Variants in RNF34 observed in about 807,000 individuals in gnomAD.
RNF34 encodes the protein E3 ubiquitin-protein ligase RNF34.
In RNF34, 12 loss-of-function variants were observed where a neutral mutation model predicts 37.9. That is an observed-to-expected ratio of 0.32 (90% CI 0.20 to 0.51). RNF34 has a LOEUF of 0.51. Among genes scored for constraint, RNF34 ranks in the 20% least tolerant of loss-of-function variants. The pLI, the probability that RNF34 is intolerant of heterozygous loss-of-function variation, is 0.97. For synonymous variants in RNF34, 155 were observed against 177.2 expected (o/e 0.87, Z 1.00); for missense variants, 362 against 472.7 (o/e 0.77, Z 2.17).
intron 3 of RNF34, 185 bp from the exon 4 acceptor site, chr12:121,420,057 G>A (rs1871976922): frequency 1.9e-6 from 1 of 526,304 alleles, no homozygotes; most frequent in Admixed American, 3.1e-5. Context: ...TAACTTTATG[G>A]AAGGTAGGTT....
chr12:121,411,534 A>G (rs998832223), intron 1 of RNF34, among the ~76,000 whole-genome samples: 1 of 152,224 alleles, frequency 6.6e-6, no homozygotes. Flanking sequence ...ACTATCCCTG[A>G]TACAAAGGTC....
intron 5 of RNF34, among the ~76,000 whole-genome samples, chr12:121,421,771 G>C (rs910042399): frequency 6.6e-6 from 1 of 152,120 alleles, no homozygotes; most frequent in Admixed American, 6.5e-5. Flanking sequence ...TGAATTAGGC[G>C]TGGGCCACCA....
intron 3 of RNF34, chr12:121,418,464 A>C (rs1566233675): frequency 6.5e-6 from 1 of 152,962 alleles, no homozygotes; most frequent in African/African-American, 2.4e-5. Context: ...CTTGTAATTA[A>C]TATTTACTTG....
chr12:121,401,354 C>CAAAAAAAAAAA (rs563285897), intron 1 of RNF34, among the ~76,000 whole-genome samples: 2,463 of 76,368 alleles, frequency 0.032, 174 homozygotes, highest in East Asian at 0.055. Context: ...CTATAGGTAT[C>CAAAAAAAAAAA]AAAAAAAAAA....
intron 1 of RNF34, among the ~76,000 whole-genome samples, chr12:121,401,773 T>A (rs892704866): frequency 3.3e-5 from 5 of 152,190 alleles, no homozygotes; most frequent in Admixed American, 1.3e-4. Flanking sequence ...TGTTTTGAAT[T>A]GAAGTGGAAG....
rs543904299 is a variant in RNF34, at chr12:121,400,157, G to T, written c.-56G>T. ...GGGAAGGAGGTCGGCAGTGTGAGGAGCTGCTATGGTGCTGAGTTTCCTGGT... is the reference window on the plus strand; with the variant it reads ...GGGAAGGAGGTCGGCAGTGTGAGGATCTGCTATGGTGCTGAGTTTCCTGGT... On this transcript the variant is annotated 5_prime_UTR_variant, in exon 1 of 6. Coordinates refer to ENST00000361234, the MANE Select transcript of RNF34 (RefSeq NM_025126.4). The T allele has an allele frequency of 1.3e-5, 20 of 1,595,384 alleles. No homozygotes were observed. The South Asian group carries it at 2.0e-4, about 16-fold the overall frequency.
chr12:121,402,826 G>A (rs782364026), intron 1 of RNF34: 4 of 1,534,084 alleles, frequency 2.6e-6, no homozygotes, highest in Non-Finnish European at 3.6e-6. Context: ...TGTATCTATA[G>A]CACATGTTAT....
intron 1 of RNF34, among the ~76,000 whole-genome samples, chr12:121,412,785 C>A (rs1333807398): frequency 7.2e-6 from 1 of 139,026 alleles, no homozygotes; most frequent in Non-Finnish European, 1.5e-5. Flanking sequence ...AGTGCAGTGG[C>A]GTGATCTCGG....
chr12:121,402,613 A>G (rs1158398784), intron 1 of RNF34: 3 of 547,168 alleles, frequency 5.5e-6, no homozygotes, highest in Non-Finnish European at 9.6e-6. Context: ...CCTCTTTCCC[A>G]TTTTTCCTTA....
chr12:121,405,796 C>A (rs1593650148), intron 1 of RNF34, among the ~76,000 whole-genome samples: 1 of 137,834 alleles, frequency 7.3e-6, no homozygotes, highest in African/African-American at 2.7e-5. Flanking sequence ...TGTCTTATTT[C>A]TTTTTTTTTT....
At chr12:121,407,468 T>C (rs1047336264) in intron 1 of RNF34, among the ~76,000 whole-genome samples, 7 of 152,172 alleles carry the variant, frequency 4.6e-5, no homozygotes, top group Non-Finnish European at 8.8e-5. Context: ...CTCAGTGAAT[T>C]GACTGCAAAT....
chr12:121,406,318 T>G (rs200480167), intron 1 of RNF34, among the ~76,000 whole-genome samples: 1 of 151,114 alleles, frequency 6.6e-6, no homozygotes, highest in Non-Finnish European at 1.5e-5. Flanking sequence ...GACAGACTCT[T>G]GCTGTGTCGC....
rs959394670 is a variant in RNF34, at chr12:121,423,256, G to T, written c.929-130G>T. ...TGCAGAGAAGTTGGGATTATTTCTT[G>T]TACAACACTGGGGTGGCATTGGGCC... On this transcript the variant is annotated intron_variant, in intron 5 of 5. Coordinates refer to ENST00000361234, the MANE Select transcript of RNF34 (RefSeq NM_025126.4). This position sits in a 1 kb window ranked among gnomAD's most constrained non-coding sequence, Gnocchi z 4.3. 3.2e-6 allele frequency: 2 copies of T among 626,670 alleles called. No individual in the cohort carries two copies. The highest frequency in any genetic ancestry group is 5.5e-6 in the Non-Finnish European group (2 of 363,736). The allele number at this position is 626,670 out of a possible 1,614,324, so 38.8% of individuals were successfully genotyped here. A position where few individuals can be genotyped will look rare whatever the true frequency, so the allele number is the denominator to read the frequency against.
In RNF34 at chr12:121,400,143, C is replaced by T. The variant is rs182031296; in HGVS notation, c.-70C>T. On this transcript the variant is annotated 5_prime_UTR_variant, in exon 1 of 6. Coordinates refer to ENST00000361234, the MANE Select transcript of RNF34 (RefSeq NM_025126.4). ...AATCACCGCCCAGAGGGAAGGAGGT[C>T]GGCAGTGTGAGGAGCTGCTATGGTG... is the stretch of plus-strand genomic sequence containing the variant. 12 of 1,563,664 alleles carry T rather than the reference C, an allele frequency of 7.7e-6. No individual in the cohort carries two copies. The highest frequency in any genetic ancestry group is 1.8e-4 in the Middle Eastern group (1 of 5,640).
rs545379395 is a variant in RNF34, at chr12:121,409,040, C to T, written c.7-7119C>T. 4.0e-5 allele frequency among the ~76,000 whole-genome samples: 6 copies of T among 151,760 alleles called. No individual in the cohort carries two copies. In the South Asian group the frequency reaches 6.2e-4, roughly 16 times the overall value. On this transcript the variant is annotated intron_variant, in intron 1 of 5. Transcript: ENST00000361234. ...AGGCTGGAGTGCAGTGGTACAGTGG[C>T]GTGATATCTGCTCACTGCAACCTCC...
intron 1 of RNF34, among the ~76,000 whole-genome samples, chr12:121,406,260 G>C (rs1870521023): frequency 7.5e-6 from 1 of 133,896 alleles, no homozygotes; most frequent in Non-Finnish European, 1.7e-5. Flanking sequence ...TTTAGAATTT[G>C]ATTTCTTATT....
Position 121,423,383 on chromosome 12 carries a change from C to T in RNF34, c.929-3C>T, listed in dbSNP as rs1555283757. 3 of 1,599,502 alleles carry T rather than the reference C, an allele frequency of 1.9e-6. No homozygotes were observed. The highest frequency in any genetic ancestry group is 2.6e-6 in the Non-Finnish European group (3 of 1,171,252). ...GAGGCCTTAGCTCTCTGTTGCCTTTCAGATGGCGAGCGGCTGCAGCTGCAG... is the reference window on the plus strand; with the variant it reads ...GAGGCCTTAGCTCTCTGTTGCCTTTTAGATGGCGAGCGGCTGCAGCTGCAG... On this transcript the variant is annotated splice_region_variant and splice_polypyrimidine_tract_variant and intron_variant, in intron 5 of 5. Coordinates refer to ENST00000361234, the MANE Select transcript of RNF34 (RefSeq NM_025126.4). This position sits in a 1 kb window ranked among gnomAD's most constrained non-coding sequence, Gnocchi z 4.3.
At chr12:121,419,742 G>A (rs1871942623) in intron 3 of RNF34, among the ~76,000 whole-genome samples, 1 of 152,176 alleles carries the variant, frequency 6.6e-6, no homozygotes, top group Non-Finnish European at 1.5e-5. Flanking sequence ...ATTAGCCTCA[G>A]CCATCAGTGA....
chr12:121,411,057 C>T (rs547046076), intron 1 of RNF34, among the ~76,000 whole-genome samples: 2 of 152,232 alleles, frequency 1.3e-5, no homozygotes, highest in Non-Finnish European at 2.9e-5. Flanking sequence ...GCCTCAGCCT[C>T]CGAGTAGCTG....
Sources: allele counts gnomAD v4.1 joint callset (sites outside exome capture counted in the v4.1 genomes callset), GRCh38; gene constraint gnomAD v4.1.1; non-coding constraint Gnocchi (gnomAD v3.1); transcripts MANE v1.5; gene names NCBI Gene and HGNC (gene_info 2026-07-23, HGNC 2026-07-21).